RIF1: variants seen among roughly 807,000 people sequenced by gnomAD.
RIF1 encodes replication timing regulatory factor 1, also known as telomere-associated protein RIF1.
Under a neutral mutation model 247.1 loss-of-function variants are expected in RIF1, and 45 were observed. The observed-to-expected ratio is 0.18, with a 90% confidence interval of 0.14 to 0.23. The LOEUF (loss-of-function observed/expected upper bound fraction) is 0.23. Ranked by LOEUF, RIF1 falls within the 10% of genes least tolerant of loss-of-function variation. The pLI is 1.00. For synonymous variants in RIF1, 1,087 were observed against 978.8 expected, an observed-to-expected ratio of 1.11 and a Z score of -2.06; for missense variants, 2,967 against 2,862.5, an observed-to-expected ratio of 1.04 and a Z score of -0.83.
intron 21 of RIF1, among the ~76,000 whole-genome samples, chr2:151,453,222 T>C (rs1223795467): frequency 6.6e-6 from 1 of 152,122 alleles, no homozygotes; most frequent in Non-Finnish European, 1.5e-5. Flanking sequence ...TTTTAAGGTA[T>C]AGTTTTAGAC....
chr2:151,426,331 C>T (rs1321411940), intron 8 of RIF1, among the ~76,000 whole-genome samples: 2 of 151,336 alleles, frequency 1.3e-5, no homozygotes, highest in South Asian at 2.1e-4. Flanking sequence ...CACGCCACCA[C>T]GCCCAGCTAA....
At chr2:151,430,513 G>A (rs1689901739) in intron 9 of RIF1, among the ~76,000 whole-genome samples, 1 of 152,094 alleles carries the variant, frequency 6.6e-6, no homozygotes, top group African/African-American at 2.4e-5. Context: ...GTAGAGACAA[G>A]GTTTCACCAT....
chr2:151,468,197 C>A, intron 31 of RIF1, 51 bp downstream of exon 31: 1 of 1,460,082 alleles, frequency 6.8e-7, no homozygotes. Context: ...CACAGAATTA[C>A]ATGTACATGA....
intron 12 of RIF1, among the ~76,000 whole-genome samples, chr2:151,504,919 A>G (rs539701779): frequency 5.3e-4 from 81 of 152,192 alleles, no homozygotes; most frequent in African/African-American, 1.9e-3. Context: ...AGCCTGTACC[A>G]CTGCATTTAC....
chr2:151,423,928 A>C (rs1688575881), intron 8 of RIF1, among the ~76,000 whole-genome samples: 1 of 152,096 alleles, frequency 6.6e-6, no homozygotes, highest in South Asian at 2.1e-4. Flanking sequence ...CCCTAACAAA[A>C]ACTGTACCCA....
At chr2:151,466,666 AT>A (rs1696951818) in intron 30 of RIF1, among the ~76,000 whole-genome samples, 3 of 152,234 alleles carry the variant, frequency 2.0e-5, no homozygotes, top group African/African-American at 7.2e-5. Context: ...TGGATTATCT[AT>A]ATATCTGCTT....
chr2:151,418,500 TG>T (rs1355896073), intron 6 of RIF1, among the ~76,000 whole-genome samples: 2 of 152,140 alleles, frequency 1.3e-5, no homozygotes, highest in African/African-American at 4.8e-5. Context: ...CCACTGTGCC[TG>T]GGCAGCTTAC....
At chr2:151,442,791 T>TG (rs1692576031) in intron 16 of RIF1, among the ~76,000 whole-genome samples, 1 of 114,806 alleles carries the variant, frequency 8.7e-6, no homozygotes, top group Non-Finnish European at 1.8e-5. Context: ...TTTTTTTTTT[T>TG]GAGACAGAGT....
intron 9 of RIF1, among the ~76,000 whole-genome samples, chr2:151,432,000 T>G (rs370906135): frequency 6.6e-6 from 1 of 152,122 alleles, no homozygotes; most frequent in Non-Finnish European, 1.5e-5. Flanking sequence ...AGAATCCTTT[T>G]CAAGTTATTT....
chr2:151,491,929 A>G (rs1365948493), intron 9 of RIF1: 2 of 965,802 alleles, frequency 2.1e-6, no homozygotes, highest in Admixed American at 2.6e-5. Context: ...GAGAACAAAG[A>G]TAAGGTAGAA....
chr2:151,499,556 G>C (rs1575136812), intron 11 of RIF1: 2 of 488,948 alleles, frequency 4.1e-6, no homozygotes, highest in Non-Finnish European at 7.2e-6. Context: ...AACATGTTTT[G>C]TATTTCCTTA....
chr2:151,416,273 CA>C (rs1383290627), intron 4 of RIF1, among the ~76,000 whole-genome samples: 8 of 152,084 alleles, frequency 5.3e-5, no homozygotes, highest in South Asian at 2.1e-4. Flanking sequence ...AACATCTTAC[CA>C]AAAATTGTCT....
At chr2:151,518,385 T>G in the RIF1 span, 8 of 1,612,072 alleles carry the variant, frequency 5.0e-6, no homozygotes, top group Non-Finnish European at 6.8e-6. Flanking sequence ...GGTGTGGTAG[T>G]GGCCTTTACT....
chr2:151,465,167 A>G lies in RIF1; in HGVS notation c.5647A>G (p.Lys1883Glu), dbSNP rs1574136133. Residue 1883 changes from lysine (K) to glutamate (E), a missense_variant, in exon 30 of 36, where the codon AAA (lysine) becomes GAA (glutamate). Around this residue, in one of 7 missense-constraint regions of RIF1, gnomAD observed 2,028 missense variants for 1,825.6 expected, o/e 1.11. Transcript: ENST00000444746. ...SQESLETKEE[K>E]PEETPKMELS... ...GGAATCTTTGGAGACAAAAGAAGAA[A>G]AACCAGAAGAAACCCCAAAAATGGA... 6.2e-7 allele frequency: 1 copy of G among 1,613,672 alleles called. No homozygotes were observed. The highest frequency in any genetic ancestry group is 8.5e-7 in the Non-Finnish European group (1 of 1,179,908).
intron 14 of RIF1, 105 bp downstream of exon 14, chr2:151,438,851 A>G (rs753320958): frequency 2.2e-5 from 16 of 711,354 alleles, no homozygotes; most frequent in Non-Finnish European, 3.4e-5. Context: ...ATTTATTTTA[A>G]AAGTATTTCT....
rs1401497469 is a variant in RIF1, at chr2:151,475,020, A to T, written c.7368A>T (p.Ile2456=). 1.1e-5 allele frequency: 17 copies of T among 1,613,630 alleles called. No homozygotes were observed. Among genetic ancestry groups the T allele is most frequent in the Non-Finnish European group, 1.4e-5 (17 of 1,179,634 alleles). The change falls in exon 36 of 36, where the codon ATA becomes ATT. Residue 2456 remains isoleucine, a synonymous_variant. Transcript: ENST00000444746. ...EKLSCMANSV[I]KNLQSRWRSP... ...TAAGTTGTATGGCAAACTCTGTAAT[A>T]AAAAATCTACAGTCACGTTGGAGAT...
chr2:151,435,365 T>TA (rs1362892073), intron 10 of RIF1, 98 bp from the exon 11 acceptor site: 1 of 760,554 alleles, frequency 1.3e-6, no homozygotes, highest in African/African-American at 1.7e-5. Flanking sequence ...AAATGGAATA[T>TA]ATTAAGGCTC....
At position 151,465,717 on chromosome 2, in the gene RIF1, T is replaced by G. The variant is rs759841037; in HGVS notation, c.6197T>G (p.Phe2066Cys). The change falls in exon 30 of 36, where the codon TTT (phenylalanine) becomes TGT (cysteine). Residue 2066 changes from phenylalanine (F) to cysteine (C), a missense_variant. Transcript: ENST00000444746. ...ATGTTGACTGCAGAAATGGACAACT[T>G]TGTTTGTGACACAGTTGAAATGAGC... The part of the protein sequence containing the change: ...TNMLTAEMDN[F>C]VCDTVEMSTE... 44 of 1,614,080 alleles carry G rather than the reference T, an allele frequency of 2.7e-5. No individual in the cohort carries two copies. Among genetic ancestry groups the G allele is most frequent in the Non-Finnish European group, 3.6e-5 (43 of 1,180,026 alleles).
chr2:151,532,114 C>T, the RIF1 span: 17 of 406,982 alleles, frequency 4.2e-5, no homozygotes, highest in Non-Finnish European at 5.3e-5. Flanking sequence ...TGTTTCCCTC[C>T]GAGACGGAGT....
Sources: allele counts gnomAD v4.1 joint callset (sites outside exome capture counted in the v4.1 genomes callset), GRCh38; gene constraint gnomAD v4.1.1; regional missense constraint gnomAD v4.1.1; transcripts MANE v1.5; gene names NCBI Gene and HGNC (gene_info 2026-07-23, HGNC 2026-07-21).